The following CTDP1 variants were observed in gnomAD, a reference collection of about 807,000 sequenced individuals.
The protein encoded by CTDP1 is CTD phosphatase 1.
Under a neutral mutation model 91.8 loss-of-function variants are expected in CTDP1, and 47 were observed. That is an observed-to-expected ratio of 0.51 (90% confidence interval 0.41 to 0.65). The LOEUF is 0.65. Among genes scored for constraint, CTDP1 ranks in the 30% least tolerant of loss-of-function variants. CTDP1 has a pLI of 0.00. For missense variants in CTDP1, 1,272 were observed against 1,373.7 expected, an observed-to-expected ratio of 0.93 and a Z score of 1.17; for synonymous variants, 656 against 598.5, an observed-to-expected ratio of 1.10 and a Z score of -1.40.
intron 10 of CTDP1, among the ~76,000 whole-genome samples, chr18:79,728,682 C>T (rs1042671243): frequency 3.9e-5 from 3 of 77,856 alleles, no homozygotes; most frequent in Admixed American, 1.6e-4. Context: ...TATTTTTCCA[C>T]AGGATAGTCA....
intron 1 of CTDP1, among the ~76,000 whole-genome samples, chr18:79,688,820 G>A (rs1396726463): frequency 2.0e-5 from 3 of 152,242 alleles, no homozygotes; most frequent in Non-Finnish European, 4.4e-5. Context: ...GATTACAGGC[G>A]TGAGCCACCA....
chr18:79,733,641 T>TC (rs1450034690), intron 11 of CTDP1, among the ~76,000 whole-genome samples: 1 of 152,002 alleles, frequency 6.6e-6, no homozygotes, highest in African/African-American at 2.4e-5. Flanking sequence ...CCGCTGCCTC[T>TC]CCAGCTGCGT....
intron 4 of CTDP1, chr18:79,702,909 A>T (rs1428415312): frequency 1.3e-5 from 2 of 152,428 alleles, no homozygotes; most frequent in African/African-American, 4.8e-5. Flanking sequence ...CAGTGTCCTG[A>T]TGTAGTGGGG....
chr18:79,739,098 T>G (rs1213205780), intron 12 of CTDP1, among the ~76,000 whole-genome samples: 1 of 152,256 alleles, frequency 6.6e-6, no homozygotes, highest in Admixed American at 6.5e-5. Flanking sequence ...GGGGCTGAGC[T>G]GAGCCAGCTC....
chr18:79,752,293 T>C (rs572674709), intron 12 of CTDP1, among the ~76,000 whole-genome samples: 186 of 138,984 alleles, frequency 1.3e-3, no homozygotes, highest in African/African-American at 4.3e-3. Context: ...CGGCTGGTTA[T>C]GCAGAGGCTC....
chr18:79,732,473 C>T (rs1231669756), intron 11 of CTDP1, among the ~76,000 whole-genome samples: 3 of 83,498 alleles, frequency 3.6e-5, no homozygotes, highest in African/African-American at 8.9e-5. Flanking sequence ...CCCAAAATCA[C>T]GTGAGACATG....
At chr18:79,695,135 C>T in intron 1 of CTDP1, 90 bp from the exon 2 acceptor site, 2 of 1,244,526 alleles carry the variant, frequency 1.6e-6, no homozygotes, top group Non-Finnish European at 2.3e-6. Context: ...AGAATTGGTA[C>T]AAAAACCTAG....
At chr18:79,730,954 G>T in intron 11 of CTDP1, among the ~76,000 whole-genome samples, 1 of 152,346 alleles carries the variant, frequency 6.6e-6, no homozygotes, top group African/African-American at 2.4e-5. Flanking sequence ...TCGTGGCCTG[G>T]CCCTGGCCTG....
intron 5 of CTDP1, among the ~76,000 whole-genome samples, chr18:79,706,638 T>C (rs912496494): frequency 6.6e-6 from 1 of 152,246 alleles, no homozygotes; most frequent in Non-Finnish European, 1.5e-5. Flanking sequence ...CACATAAGAT[T>C]TCATCACTAA....
chr18:79,705,503 G>A (rs972483979), intron 5 of CTDP1, among the ~76,000 whole-genome samples: 3 of 152,034 alleles, frequency 2.0e-5, no homozygotes, highest in Admixed American at 1.3e-4. Context: ...TGGACAAAGC[G>A]AGGGGACAAA....
intron 5 of CTDP1, among the ~76,000 whole-genome samples, chr18:79,707,741 A>G (rs1014636156): frequency 6.6e-6 from 1 of 152,200 alleles, no homozygotes; most frequent in Non-Finnish European, 1.5e-5. Context: ...GCTTTGCTTC[A>G]TTGTGGCTGG....
At chr18:79,687,799 C>T (rs1195185630) in intron 1 of CTDP1, among the ~76,000 whole-genome samples, 1 of 152,218 alleles carries the variant, frequency 6.6e-6, no homozygotes, top group East Asian at 1.9e-4. Context: ...CCATGGCTCC[C>T]TGGGGTCTGT....
chr18:79,701,818 C>T (rs76537594), intron 4 of CTDP1, among the ~76,000 whole-genome samples: 6,036 of 152,172 alleles, frequency 0.04, 193 homozygotes, highest in South Asian at 0.16. Context: ...TCCAGGGCTT[C>T]GAGACCCCAG....
chr18:79,726,872 T>G (rs1194474028), intron 10 of CTDP1, among the ~76,000 whole-genome samples: 2,405 of 11,850 alleles, frequency 0.2, 316 homozygotes, highest in Non-Finnish European at 0.32. Context: ...GCTGTGGGGG[T>G]GGGGTGACGC....
At chr18:79,738,010 G>T (rs1365613300) in intron 12 of CTDP1, among the ~76,000 whole-genome samples, 1 of 42,574 alleles carries the variant, frequency 2.3e-5, no homozygotes. Context: ...GGCCTCCCCC[G>T]CAGGTCCCCG....
At chr18:79,705,140 G>A (rs2085941519) in intron 5 of CTDP1, among the ~76,000 whole-genome samples, 1 of 152,152 alleles carries the variant, frequency 6.6e-6, no homozygotes, top group Admixed American at 6.5e-5. Context: ...TACTGGGTGG[G>A]CCGCTTTGGG....
At chr18:79,701,761 C>T (rs1049301714) in intron 4 of CTDP1, among the ~76,000 whole-genome samples, 1 of 152,058 alleles carries the variant, frequency 6.6e-6, no homozygotes, top group Non-Finnish European at 1.5e-5. Context: ...GATGTCGATT[C>T]CAACCCTCAG....
rs35234657 is a variant in CTDP1 at position 79,717,921 on chromosome 18, C to T, written c.2322C>T (p.Tyr774=). ...AGCCTGGCCCCGAGGTTCGGATCTA[C>T]GACTCCAACACGGGGAAGCTCATCA... The part of the protein sequence containing the change: ...KAQPGPEVRI[Y]DSNTGKLIRT... The change falls in exon 10 of 13, where the codon TAC becomes TAT. Residue 774 remains tyrosine (Y), a synonymous_variant. Coordinates refer to ENST00000613122, the MANE Select transcript of CTDP1 (RefSeq NM_004715.5). 644 of 1,613,524 alleles carry T rather than the reference C, an allele frequency of 4.0e-4. 1 individual carries two copies. In the African/African-American group the frequency reaches 7.0e-3, roughly 18 times the overall value.
intron 4 of CTDP1, among the ~76,000 whole-genome samples, chr18:79,700,708 A>G (rs992787518): frequency 2.2e-4 from 33 of 152,250 alleles, no homozygotes; most frequent in Admixed American, 1.7e-3. Flanking sequence ...ATGAAACTAA[A>G]CACGCTAAAC....
Sources: gnomAD v4.1 joint callset for allele counts (sites outside exome capture counted in the v4.1 genomes callset) on GRCh38, gnomAD v4.1.1 for gene constraint, MANE v1.5 for transcripts, NCBI Gene and HGNC (gene_info 2026-07-23, HGNC 2026-07-21) for gene names.